Variants in TRABD observed in about 807,000 individuals in gnomAD.
TRABD encodes the protein traB domain-containing protein.
TRABD carries 23 observed loss-of-function variants against 39.6 expected under a neutral mutation model. That is an observed-to-expected ratio of 0.58 (90% CI 0.42 to 0.82). The LOEUF (loss-of-function observed/expected upper bound fraction) is 0.82, where lower values mean the gene tolerates loss of function less well. Among genes scored for constraint, TRABD ranks in the 40% least tolerant of loss-of-function variants. The probability of loss-of-function intolerance (pLI) is 0.00; values close to 1 mark genes in which losing one functional copy is unlikely to be tolerated. For missense variants in TRABD, 487 were observed against 544.9 expected, an observed-to-expected ratio of 0.89 and a Z score of 1.06; for synonymous variants, 243 against 232.1, an observed-to-expected ratio of 1.05 and a Z score of -0.43.
In TRABD at chr22:50,197,200, C is replaced by G. The variant is rs540139624; in HGVS notation, c.421-41C>G. On this transcript the variant is annotated intron_variant, in intron 5 of 9. Transcript: ENST00000380909. ...CTGCCATTCCCCCAGCGCACCCCCGCACCCGCCCCTCCAGCTGATGCCTGC... is the reference window on the plus strand; with the variant it reads ...CTGCCATTCCCCCAGCGCACCCCCGGACCCGCCCCTCCAGCTGATGCCTGC... 10,640 of 1,589,016 alleles carry G rather than the reference C, an allele frequency of 6.7e-3. 762 individuals carry two copies. In the African/African-American group the frequency reaches 0.13, roughly 20 times the overall value.
chr22:50,189,691 G>A (rs1197925466), intron 1 of TRABD, among the ~76,000 whole-genome samples: 3 of 151,296 alleles, frequency 2.0e-5, no homozygotes, highest in Non-Finnish European at 4.4e-5. Flanking sequence ...TGCAGCGTGC[G>A]CTGGCCGGAC....
chr22:50,186,589 G>T (rs887596219), intron 1 of TRABD, among the ~76,000 whole-genome samples: 1 of 152,166 alleles, frequency 6.6e-6, no homozygotes, highest in Non-Finnish European at 1.5e-5. Context: ...GGAGCCGGCC[G>T]AGGTGAGAGT....
chr22:50,195,179 G>A (rs1383331841), intron 5 of TRABD, 139 bp downstream of exon 5: 2 of 1,168,198 alleles, frequency 1.7e-6, no homozygotes, highest in Non-Finnish European at 2.3e-6. Flanking sequence ...GCCGGGTTAG[G>A]GACCTCCCCT....
At chr22:50,194,293 T>A (rs910963984) in intron 3 of TRABD, 47 bp from the exon 4 acceptor site, 12 of 1,591,666 alleles carry the variant, frequency 7.5e-6, no homozygotes, top group Non-Finnish European at 1.0e-5. Flanking sequence ...CCCGGCGGCG[T>A]CCTTGGGGTG....
Position 50,199,209 on chromosome 22 carries a change from G to T in TRABD, c.*690G>T. ...GGGTCTGTCCCGAGTGGGCTCGCGT[G>T]CAGCCAAACATCAGCTCTGGGTCCA... is the stretch of plus-strand genomic sequence containing the variant. On this transcript the variant is annotated 3_prime_UTR_variant, in exon 10 of 10. Transcript: ENST00000380909. The T allele has an allele frequency of 1.4e-6, 1 of 700,564 alleles. No individual in the cohort carries two copies. Among genetic ancestry groups the T allele is most frequent in the Non-Finnish European group, 2.7e-6 (1 of 375,742 alleles). The allele number at this position is 700,564 out of a possible 1,614,324, so 43.4% of individuals were successfully genotyped here. A position where few individuals can be genotyped will look rare whatever the true frequency, so the allele number is the denominator to read the frequency against.
chr22:50,194,549 A>C (rs1296880967), intron 4 of TRABD, 43 bp downstream of exon 4: 2 of 1,556,200 alleles, frequency 1.3e-6, no homozygotes, highest in African/African-American at 1.4e-5. Flanking sequence ...GGGTTGGTGT[A>C]AGCTCCTGTG....
In TRABD at chr22:50,195,595, T is replaced by G. The variant is rs537075592; in HGVS notation, c.420+555T>G. Among the ~76,000 whole-genome samples the G allele has an allele frequency of 1.2e-4, 19 of 152,108 alleles. 1 individual carries two copies. The highest frequency in any genetic ancestry group is 1.2e-3 in the South Asian group (6 of 4,824). ...CTCCCGCCTCAGCCTCCTGAGTAGC[T>G]GGGATTACAGGTGCCTGCCACCACA... On this transcript the variant is annotated intron_variant, in intron 5 of 9. Transcript: ENST00000380909.
chr22:50,198,257 C>A lies in TRABD; in HGVS notation c.956+71C>A. 6.5e-7 allele frequency: 1 copy of A among 1,531,290 alleles called. No individual in the cohort carries two copies. The highest frequency in any genetic ancestry group is 8.9e-7 in the Non-Finnish European group (1 of 1,126,076). 94.9% of individuals were successfully genotyped at this position (1,531,290 alleles called of 1,614,324 possible). ...GGTGGAGGCTGAGCGCCCTGGAGGC[C>A]AACCACATGCGGCAGTGACCCAGGC... On this transcript the variant is annotated intron_variant, in intron 9 of 9. Coordinates refer to ENST00000380909, the MANE Select transcript of TRABD (RefSeq NM_001320485.2). The surrounding 1 kb of genome is among the most constrained non-coding windows in gnomAD (Gnocchi z 7.9).
At position 50,198,333 on chromosome 22, in the gene TRABD, T is replaced by TC. The variant is rs770616953; in HGVS notation, c.957-9dup. 2 of 1,454,366 alleles carry TC rather than the reference T, an allele frequency of 1.4e-6. No homozygotes were observed. The highest frequency in any genetic ancestry group is 3.8e-5 in the Admixed American group (2 of 52,320). 90.1% of individuals were successfully genotyped at this position (1,454,366 alleles called of 1,614,324 possible). ...ACCCCCAGCCAGGCCCAGCGCCCCC[T>TC]CCCTCCCACAGCGTGCCCCCGCCGT... On this transcript the variant is annotated splice_polypyrimidine_tract_variant and intron_variant, in intron 9 of 9. Coordinates refer to ENST00000380909, the MANE Select transcript of TRABD (RefSeq NM_001320485.2). This position sits in a 1 kb window ranked among gnomAD's most constrained non-coding sequence, Gnocchi z 7.9.
At position 50,197,518 on chromosome 22, in the gene TRABD, A is replaced by G; in HGVS notation, c.601A>G (p.Ile201Val). 1 of 1,613,762 alleles carries G rather than the reference A, an allele frequency of 6.2e-7. No individual in the cohort carries two copies. Among genetic ancestry groups the G allele is most frequent in the Non-Finnish European group, 8.5e-7 (1 of 1,180,012 alleles). The change falls in exon 7 of 10, where the codon ATC becomes GTC. Residue 201 changes from isoleucine to valine, a missense_variant. Coordinates refer to ENST00000380909, the MANE Select transcript of TRABD (RefSeq NM_001320485.2). ...CATCCCCGTCACCTTCAAGAGGGCCATCGCAGCGCTCTCCTTCTGGCAGAA... is the reference window on the plus strand; with the variant it reads ...CATCCCCGTCACCTTCAAGAGGGCCGTCGCAGCGCTCTCCTTCTGGCAGAA... Reference protein sequence around the residue: ...RPIPVTFKRAIAALSFWQKVR... With the variant: ...RPIPVTFKRAVAALSFWQKVR...
intron 1 of TRABD, among the ~76,000 whole-genome samples, chr22:50,190,382 G>A (rs73435215): frequency 0.026 from 3,967 of 152,276 alleles, 175 homozygotes; most frequent in African/African-American, 0.092. Flanking sequence ...AGCGCCTGCT[G>A]CTGCACCGAG....
Position 50,199,210 on chromosome 22 carries a change from C to T in TRABD, c.*691C>T. 2.9e-6 allele frequency: 2 copies of T among 699,394 alleles called. No individual in the cohort carries two copies. The highest frequency in any genetic ancestry group is 5.3e-6 in the Non-Finnish European group (2 of 375,076). 43.3% of individuals were successfully genotyped at this position (699,394 alleles called of 1,614,324 possible). A position where few individuals can be genotyped will look rare whatever the true frequency, so the allele number is the denominator to read the frequency against. The stretch of plus-strand genomic sequence containing the variant: ...GGTCTGTCCCGAGTGGGCTCGCGTG[C>T]AGCCAAACATCAGCTCTGGGTCCAG... On this transcript the variant is annotated 3_prime_UTR_variant, in exon 10 of 10. Coordinates refer to ENST00000380909, the MANE Select transcript of TRABD (RefSeq NM_001320485.2).
intron 2 of TRABD, 146 bp downstream of exon 2, chr22:50,193,239 G>A (rs2063973229): frequency 9.3e-7 from 1 of 1,078,566 alleles, no homozygotes; most frequent in South Asian, 1.6e-5. Flanking sequence ...CACCTCCGAG[G>A]GAGAGGGGCG....
Position 50,198,272 on chromosome 22 carries a change from G to A in TRABD, c.957-73G>A, listed in dbSNP as rs939547895. The A allele has an allele frequency of 2.8e-5, 43 of 1,521,742 alleles. No homozygotes were observed. The highest frequency in any genetic ancestry group is 1.4e-4 in the East Asian group (6 of 42,050). 94.3% of individuals were successfully genotyped at this position (1,521,742 alleles called of 1,614,324 possible). A position where few individuals can be genotyped will look rare whatever the true frequency, so the allele number is the denominator to read the frequency against. The stretch of plus-strand genomic sequence containing the variant: ...CCCTGGAGGCCAACCACATGCGGCA[G>A]TGACCCAGGCATGGGGGCTGGGGTA... On this transcript the variant is annotated intron_variant, in intron 9 of 9. Transcript: ENST00000380909. This position sits in a 1 kb window ranked among gnomAD's most constrained non-coding sequence, Gnocchi z 7.9.
At chr22:50,195,155 C>T in intron 5 of TRABD, 115 bp downstream of exon 5, 2 of 1,357,158 alleles carry the variant, frequency 1.5e-6, no homozygotes, top group Non-Finnish European at 2.0e-6. Flanking sequence ...TGTGCCTGGC[C>T]TGCCCTGGGG....
intron 5 of TRABD, among the ~76,000 whole-genome samples, chr22:50,196,129 G>A (rs546199524): frequency 1.1e-4 from 16 of 152,308 alleles, no homozygotes; most frequent in East Asian, 7.7e-4. Flanking sequence ...CCAGGTGTCC[G>A]CTTCACCTGT....
intron 1 of TRABD, among the ~76,000 whole-genome samples, chr22:50,186,177 G>A (rs1411818511): frequency 1.4e-5 from 2 of 143,272 alleles, no homozygotes; most frequent in South Asian, 2.4e-4. Context: ...GGTCAGGCCC[G>A]GATCAGGTTC....
At position 50,185,913 on chromosome 22, in the gene TRABD, G is replaced by C. The variant is rs866762672; in HGVS notation, c.-98G>C. On this transcript the variant is annotated 5_prime_UTR_variant, in exon 1 of 10. Coordinates refer to ENST00000380909, the MANE Select transcript of TRABD (RefSeq NM_001320485.2). ...CCGCCCCGCCCCGCGGCCCCAGCCCGCCCCGTCCGTTGAGGGCCCGCGCCG... is the reference window on the plus strand; with the variant it reads ...CCGCCCCGCCCCGCGGCCCCAGCCCCCCCCGTCCGTTGAGGGCCCGCGCCG... The C allele has an allele frequency of 1.3e-5, 2 of 149,582 alleles. No homozygotes were observed. The highest frequency in any genetic ancestry group is 6.8e-3 in the Middle Eastern group (2 of 292). The allele number at this position is 149,582 out of a possible 1,614,324, so 9.3% of individuals were successfully genotyped here. A position where few individuals can be genotyped will look rare whatever the true frequency, so the allele number is the denominator to read the frequency against.
Position 50,198,748 on chromosome 22 carries a change from G to A in TRABD, c.*229G>A, listed in dbSNP as rs569814082. 39 of 560,634 alleles carry A rather than the reference G, an allele frequency of 7.0e-5. No homozygotes were observed. In the East Asian group the frequency reaches 1.1e-3, roughly 16 times the overall value. 34.7% of individuals were successfully genotyped at this position (560,634 alleles called of 1,614,324 possible). ...CCGGCAGCCCCTCCCCTCCCACACT[G>A]CAGGGGCCGTTCCCCAGCTTCTGGA... On this transcript the variant is annotated 3_prime_UTR_variant, in exon 10 of 10. Coordinates refer to ENST00000380909, the MANE Select transcript of TRABD (RefSeq NM_001320485.2). The surrounding 1 kb of genome is among the most constrained non-coding windows in gnomAD (Gnocchi z 7.9).
Sources: allele counts gnomAD v4.1 joint callset (sites outside exome capture counted in the v4.1 genomes callset), GRCh38; gene constraint gnomAD v4.1.1; non-coding constraint Gnocchi (gnomAD v3.1); transcripts MANE v1.5; gene names NCBI Gene and HGNC (gene_info 2026-07-23, HGNC 2026-07-21).